The following ABCA13 variants were observed in gnomAD, a reference collection of about 807,000 sequenced individuals.
ABCA13 encodes ATP binding cassette subfamily A member 13.
A neutral mutation model predicts 478.7 loss-of-function variants in ABCA13; 476 were observed. That is an observed-to-expected ratio of 0.99 (90% CI 0.92 to 1.07). The LOEUF is 1.07. ABCA13 is among the 50% of genes least tolerant of loss of function. The pLI is 0.00. For missense variants in ABCA13, 6,060 were observed against 5,910.6 expected (o/e 1.03, Z -0.83); for synonymous variants, 2,252 against 2,158.9 (o/e 1.04, Z -1.20).
intron 59 of ABCA13, among the ~76,000 whole-genome samples, chr7:48,634,734 TA>T (rs1438430661): frequency 6.6e-6 from 1 of 152,218 alleles, no homozygotes; most frequent in East Asian, 1.9e-4. Context: ...TATTATTTTG[TA>T]ATTTTTCTTA....
intron 55 of ABCA13, among the ~76,000 whole-genome samples, chr7:48,570,319 C>CTTTTTTTTTTTT (rs35693419): frequency 4.5e-5 from 4 of 88,214 alleles, no homozygotes; most frequent in Admixed American, 1.5e-4. Flanking sequence ...TTTGCATCCT[C>CTTTTTTTTTTTT]TTTTTTTTTT....
intron 59 of ABCA13, among the ~76,000 whole-genome samples, chr7:48,630,339 T>C (rs1284256903): frequency 6.6e-6 from 1 of 152,070 alleles, no homozygotes; most frequent in Non-Finnish European, 1.5e-5. Context: ...TAGGCTCCAG[T>C]GTCTATTGTT....
intron 55 of ABCA13, among the ~76,000 whole-genome samples, chr7:48,572,244 A>C (rs1290206848): frequency 2.6e-5 from 4 of 152,158 alleles, no homozygotes. Context: ...CTTGGCATAC[A>C]TTTTAAAATC....
intron 40 of ABCA13, among the ~76,000 whole-genome samples, chr7:48,410,973 TTTTCTCTTTCTTTCTTTC>T (rs1818939707): frequency 1.3e-5 from 2 of 150,006 alleles, no homozygotes; most frequent in African/African-American, 4.9e-5. Flanking sequence ...CTAGAAATTC[TTTTCTCTTTCTTTCTTTC>T]TTTCTTTCTT....
At chr7:48,600,577 G>T (rs1479121907) in intron 58 of ABCA13, among the ~76,000 whole-genome samples, 2 of 151,786 alleles carry the variant, frequency 1.3e-5, no homozygotes, top group Non-Finnish European at 2.9e-5. Context: ...TTTTAGTTAT[G>T]TTCTTACTGG....
chr7:48,229,792 C>T, intron 6 of ABCA13, 33 bp from the exon 7 acceptor site: 2 of 1,612,788 alleles, frequency 1.2e-6, no homozygotes, highest in Non-Finnish European at 8.5e-7. Context: ...TAACTACCCA[C>T]TCATATTGCT....
intron 39 of ABCA13, among the ~76,000 whole-genome samples, chr7:48,406,344 G>A (rs1247834503): frequency 2.6e-5 from 4 of 152,174 alleles, no homozygotes; most frequent in African/African-American, 4.8e-5. Flanking sequence ...GAGCTTCAGT[G>A]TTCTCATTTG....
rs549919292 is a variant in ABCA13 at position 48,454,299 on chromosome 7, C to T, written c.12566-738C>T. ...CCCAGTGGACAGAAAAGCTGCTCTC[C>T]ACAGCTTGTTTGGAACGTGCAACCT... On this transcript the variant is annotated intron_variant, in intron 42 of 61. Coordinates refer to ENST00000435803, the MANE Select transcript of ABCA13 (RefSeq NM_152701.5). 1.4e-4 allele frequency among the ~76,000 whole-genome samples: 22 copies of T among 152,328 alleles called. No individual in the cohort carries two copies. In the South Asian group the frequency reaches 4.3e-3, roughly 30 times the overall value.
chr7:48,335,590 C>G, intron 28 of ABCA13, 55 bp downstream of exon 28: 1 of 1,416,422 alleles, frequency 7.1e-7, no homozygotes, highest in South Asian at 1.2e-5. Flanking sequence ...AGGGCATGTC[C>G]GAGACATCAG....
At chr7:48,429,425 C>T (rs1364555746) in intron 42 of ABCA13, among the ~76,000 whole-genome samples, 7 of 152,176 alleles carry the variant, frequency 4.6e-5, no homozygotes, top group Admixed American at 4.6e-4. Context: ...ATTCTCCCAA[C>T]CCTTGTTATT....
chr7:48,307,800 T>A (rs1433468006), intron 23 of ABCA13, among the ~76,000 whole-genome samples: 1 of 151,956 alleles, frequency 6.6e-6, no homozygotes, highest in Admixed American at 6.6e-5. Flanking sequence ...CCTGCCTCAG[T>A]CTCCCAAGCA....
chr7:48,295,173 C>T (rs1362586035), intron 20 of ABCA13, among the ~76,000 whole-genome samples: 2 of 152,206 alleles, frequency 1.3e-5, no homozygotes, highest in Non-Finnish European at 2.9e-5. Context: ...CCCTATCCTG[C>T]ACACCCTTAC....
intron 44 of ABCA13, among the ~76,000 whole-genome samples, chr7:48,468,092 C>G (rs1827083871): frequency 6.6e-6 from 1 of 151,700 alleles, no homozygotes; most frequent in Non-Finnish European, 1.5e-5. Context: ...AGCCCTGGTC[C>G]AAGCTGGGAT....
intron 55 of ABCA13, among the ~76,000 whole-genome samples, chr7:48,577,530 A>C (rs1788298378): frequency 6.6e-6 from 1 of 152,130 alleles, no homozygotes; most frequent in African/African-American, 2.4e-5. Context: ...CCAAACACAT[A>C]CAAGGAGAAA....
chr7:48,498,424 A>G (rs567210927), intron 48 of ABCA13, among the ~76,000 whole-genome samples: 1 of 152,256 alleles, frequency 6.6e-6, no homozygotes, highest in African/African-American at 2.4e-5. Context: ...TTACTGTTGT[A>G]TTGTTGAAGT....
At chr7:48,389,653 T>C (rs539862678) in intron 37 of ABCA13, among the ~76,000 whole-genome samples, 1 of 152,198 alleles carries the variant, frequency 6.6e-6, no homozygotes, top group Non-Finnish European at 1.5e-5. Flanking sequence ...TTCTTTTCCA[T>C]GTTCTGGTTT....
Position 48,489,316 on chromosome 7 carries a change from A to G in ABCA13, c.13263A>G (p.Leu4421=), listed in dbSNP as rs374126937. 9.9e-6 allele frequency: 16 copies of G among 1,611,594 alleles called. No homozygotes were observed. Among genetic ancestry groups the G allele is most frequent in the Non-Finnish European group, 1.4e-5 (16 of 1,178,218 alleles). ...ACAACCTTATTTTGTGGCAGCACCT[A>G]CCCCCTACTGTGGACTGGAGACAAT... ...HLNNLILWQH[L]PPTVDWRQYG... The change falls in exon 48 of 62, where the codon CTA becomes CTG. Residue 4421 remains leucine (L), a synonymous_variant. Coordinates refer to ENST00000435803, the MANE Select transcript of ABCA13 (RefSeq NM_152701.5).
chr7:48,336,270 G>A (rs11972807), intron 28 of ABCA13, among the ~76,000 whole-genome samples: 2,761 of 152,206 alleles, frequency 0.018, 78 homozygotes, highest in African/African-American at 0.064. Context: ...GATACATGGA[G>A]CCCTTGGAAT....
intron 39 of ABCA13, among the ~76,000 whole-genome samples, chr7:48,409,259 A>T (rs1476215531): frequency 6.6e-6 from 1 of 152,220 alleles, no homozygotes; most frequent in Non-Finnish European, 1.5e-5. Context: ...AAGCAGCAAC[A>T]TCTTTTTACA....
Sources: gnomAD v4.1 joint callset for allele counts (sites outside exome capture counted in the v4.1 genomes callset) on GRCh38, gnomAD v4.1.1 for gene constraint, MANE v1.5 for transcripts, NCBI Gene and HGNC (gene_info 2026-07-23, HGNC 2026-07-21) for gene names.